The following NKAIN2 variants were observed in gnomAD, a reference collection of about 807,000 sequenced individuals.
The protein encoded by NKAIN2 is sodium/potassium-transporting ATPase subunit beta-1-interacting protein 2.
A neutral mutation model predicts 32.6 loss-of-function variants in NKAIN2; 14 were observed. That is an observed-to-expected ratio of 0.43 (90% confidence interval 0.28 to 0.67). The LOEUF (loss-of-function observed/expected upper bound fraction) is 0.67. Ranked by LOEUF, NKAIN2 falls within the 30% of genes least tolerant of loss-of-function variation. NKAIN2 has a pLI of 0.17. For synonymous variants in NKAIN2, 80 were observed against 87.2 expected, an observed-to-expected ratio of 0.92 and a Z score of 0.46; for missense variants, 198 against 258.3, an observed-to-expected ratio of 0.77 and a Z score of 1.60.
At chr6:124,735,117 A>G (rs1247620663) in intron 4 of NKAIN2, among the ~76,000 whole-genome samples, 1 of 151,950 alleles carries the variant, frequency 6.6e-6, no homozygotes, top group Non-Finnish European at 1.5e-5. Flanking sequence ...TAAAATCTGA[A>G]TTCCCTTAAA....
chr6:124,707,041 C>T (rs1476477629), intron 4 of NKAIN2, among the ~76,000 whole-genome samples: 2 of 144,578 alleles, frequency 1.4e-5, no homozygotes, highest in East Asian at 2.1e-4. Flanking sequence ...CTTCCTGTGT[C>T]CATGTGATCT....
At chr6:124,386,430 C>A (rs769400700) in intron 3 of NKAIN2, among the ~76,000 whole-genome samples, 1 of 152,140 alleles carries the variant, frequency 6.6e-6, no homozygotes, top group African/African-American at 2.4e-5. Context: ...TCTTGGTAAC[C>A]ATTGCTCTGA....
chr6:123,876,759 G>A lies in NKAIN2; in HGVS notation c.54+72505G>A, dbSNP rs187154729. ...GGATTGGATGCTGCCCACCCACATT[G>A]GGGAGGGCCATCTGCTTTTCTCAGT... On this transcript the variant is annotated intron_variant, in intron 1 of 6. Coordinates refer to ENST00000368417, the MANE Select transcript of NKAIN2 (RefSeq NM_001040214.3). Among the ~76,000 whole-genome samples the A allele has an allele frequency of 3.9e-3, 595 of 152,264 alleles. 3 individuals are homozygous for A. Among genetic ancestry groups the A allele is most frequent in the Admixed American group, 6.1e-3 (94 of 15,292 alleles).
chr6:123,937,529 A>T (rs72972546), intron 1 of NKAIN2, among the ~76,000 whole-genome samples: 3,011 of 152,234 alleles, frequency 0.02, 62 homozygotes, highest in Non-Finnish European at 0.025. Flanking sequence ...GCGTGTGAAA[A>T]GAAGAACAAC....
rs553503963 is a variant in NKAIN2 at position 124,811,502 on chromosome 6, A to AC, written c.536-6884dup. 4.6e-3 allele frequency among the ~76,000 whole-genome samples: 703 copies of AC among 152,260 alleles called. 5 individuals carry two copies. The highest frequency in any genetic ancestry group is 0.016 in the African/African-American group (669 of 41,574). On this transcript the variant is annotated intron_variant, in intron 5 of 6. Transcript: ENST00000368417. Reference sequence around the variant, plus strand: ...TGTCACAAAGAATATTTATTCAAAAACTTTTTTATCTTACTTGGTAATTTC... The same window carrying AC: ...TGTCACAAAGAATATTTATTCAAAAACCTTTTTTATCTTACTTGGTAATTTC...
intron 1 of NKAIN2, among the ~76,000 whole-genome samples, chr6:124,204,435 C>CA (rs555934354): frequency 1.3e-5 from 2 of 151,322 alleles, no homozygotes; most frequent in African/African-American, 2.4e-5. Context: ...GCATAACTGA[C>CA]AAAAAAATAT....
chr6:124,456,128 A>G (rs1223672185), intron 3 of NKAIN2, among the ~76,000 whole-genome samples: 1 of 151,944 alleles, frequency 6.6e-6, no homozygotes, highest in Non-Finnish European at 1.5e-5. Context: ...ATATCCCTAA[A>G]TAATGGTGCA....
At chr6:124,539,664 A>G (rs1779840232) in intron 3 of NKAIN2, among the ~76,000 whole-genome samples, 1 of 152,224 alleles carries the variant, frequency 6.6e-6, no homozygotes, top group Non-Finnish European at 1.5e-5. Context: ...GGCAAGATCC[A>G]TTATAGATTT....
At chr6:123,921,829 G>A (rs1775767290) in intron 1 of NKAIN2, among the ~76,000 whole-genome samples, 5 of 152,012 alleles carry the variant, frequency 3.3e-5, no homozygotes, top group Admixed American at 3.3e-4. Flanking sequence ...TACTCAGGAG[G>A]CTGAGGCAGG....
At chr6:123,900,096 G>A (rs1416058855) in intron 1 of NKAIN2, among the ~76,000 whole-genome samples, 4 of 152,140 alleles carry the variant, frequency 2.6e-5, no homozygotes, top group Non-Finnish European at 5.9e-5. Context: ...AGGTTCACCC[G>A]TTGTACACCA....
At chr6:123,900,667 A>G (rs1162682389) in intron 1 of NKAIN2, among the ~76,000 whole-genome samples, 1 of 149,084 alleles carries the variant, frequency 6.7e-6, no homozygotes, top group African/African-American at 2.5e-5. Flanking sequence ...TTTGACATAC[A>G]AAAGGAGGCA....
intron 3 of NKAIN2, among the ~76,000 whole-genome samples, chr6:124,604,906 T>G (rs1782441875): frequency 6.6e-6 from 1 of 151,972 alleles, no homozygotes; most frequent in Admixed American, 6.6e-5. Flanking sequence ...GATTCATTGC[T>G]CCATCCCAAA....
intron 3 of NKAIN2, among the ~76,000 whole-genome samples, chr6:124,654,975 C>A (rs1562307779): frequency 6.6e-6 from 1 of 152,094 alleles, no homozygotes; most frequent in Non-Finnish European, 1.5e-5. Flanking sequence ...GCAGCCCTAG[C>A]AAACTAATAT....
At chr6:124,138,280 T>C (rs1486837781) in intron 1 of NKAIN2, among the ~76,000 whole-genome samples, 5 of 152,044 alleles carry the variant, frequency 3.3e-5, no homozygotes, top group Non-Finnish European at 7.4e-5. Context: ...AGAACTACAA[T>C]GAGAAACCAC....
chr6:124,550,168 C>A (rs1298683105), intron 3 of NKAIN2, among the ~76,000 whole-genome samples: 1 of 152,118 alleles, frequency 6.6e-6, no homozygotes, highest in African/African-American at 2.4e-5. Flanking sequence ...ATTTAGTTAG[C>A]AAATAATTTA....
At chr6:124,092,406 A>G (rs956418563) in intron 1 of NKAIN2, among the ~76,000 whole-genome samples, 1 of 152,100 alleles carries the variant, frequency 6.6e-6, no homozygotes, top group Non-Finnish European at 1.5e-5. Context: ...TTTTCTATAA[A>G]AGTATTTTAG....
intron 1 of NKAIN2, among the ~76,000 whole-genome samples, chr6:124,051,828 A>C (rs1782417142): frequency 6.6e-6 from 1 of 152,184 alleles, no homozygotes; most frequent in African/African-American, 2.4e-5. Flanking sequence ...ATAAAAGGCC[A>C]AAAGCAGATA....
chr6:123,977,814 C>T (rs1213688791), intron 1 of NKAIN2, among the ~76,000 whole-genome samples: 3 of 152,128 alleles, frequency 2.0e-5, no homozygotes, highest in African/African-American at 7.2e-5. Flanking sequence ...ACTTGTATTT[C>T]TCTGTCTTGA....
At chr6:124,658,075 A>T in intron 3 of NKAIN2, 111 bp from the exon 4 acceptor site, 1 of 837,988 alleles carries the variant, frequency 1.2e-6, no homozygotes, top group Non-Finnish European at 1.9e-6. Context: ...TAGGAAAAAA[A>T]AAACAAACAA....
Sources: gnomAD v4.1 joint callset for allele counts (sites outside exome capture counted in the v4.1 genomes callset) on GRCh38, gnomAD v4.1.1 for gene constraint, MANE v1.5 for transcripts, NCBI Gene and HGNC (gene_info 2026-07-23, HGNC 2026-07-21) for gene names.